ZBTB45: variants seen among roughly 807,000 people sequenced by gnomAD.
The protein encoded by ZBTB45 is zinc finger and BTB domain containing 45.
ZBTB45 carries 22 observed loss-of-function variants against 28.4 expected under a neutral mutation model. The observed-to-expected ratio is 0.77, with a 90% CI of 0.55 to 1.10. ZBTB45 has a LOEUF of 1.10. ZBTB45 is among the 50% of genes least tolerant of loss of function. The probability of loss-of-function intolerance (pLI) is 0.00; values close to 1 mark genes in which losing one functional copy is unlikely to be tolerated. For synonymous variants in ZBTB45, 361 were observed against 332.3 expected (o/e 1.09, Z -0.94); for missense variants, 656 against 750.2 (o/e 0.87, Z 1.47).
intron 1 of ZBTB45, among the ~76,000 whole-genome samples, chr19:58,529,883 T>C (rs2053627008): frequency 6.6e-6 from 1 of 152,138 alleles, no homozygotes; most frequent in African/African-American, 2.4e-5. Flanking sequence ...CACATATTAG[T>C]ACTTCCTTTT....
rs765755716 is a variant in ZBTB45 at position 58,517,793 on chromosome 19, C to G, written c.1-120G>C. 5.7e-6 allele frequency: 5 copies of G among 883,952 alleles called. No individual in the cohort carries two copies. The African/African-American group carries it at 8.4e-5, about 15-fold the overall frequency. 54.8% of individuals were successfully genotyped at this position (883,952 alleles called of 1,614,324 possible). On this transcript the variant is annotated intron_variant, in intron 1 of 2. Transcript: ENST00000594051. ...CTCGAGTGCACCACACTCCAAGGCG[C>G]GCTAACCCATCCCTCCCCAGCTGCC...
Position 58,516,277 on chromosome 19 carries a change from C to A in ZBTB45, c.1279+118G>T, listed in dbSNP as rs1205928948. The A allele has an allele frequency of 9.1e-6, 12 of 1,312,908 alleles. No homozygotes were observed. In the East Asian group the frequency reaches 2.5e-4, roughly 27 times the overall value. The allele number at this position is 1,312,908 out of a possible 1,614,324, so 81.3% of individuals were successfully genotyped here. The stretch of plus-strand genomic sequence containing the variant: ...TTGGGGGAAGGCTCAATTTCTAGGC[C>A]CCCTGCTAACCAAAAGTAACAGAAC... On this transcript the variant is annotated intron_variant, in intron 2 of 2. Coordinates refer to ENST00000594051, the MANE Select transcript of ZBTB45 (RefSeq NM_001316979.2). This position sits in a 1 kb window ranked among gnomAD's most constrained non-coding sequence, Gnocchi z 6.2.
intron 1 of ZBTB45, among the ~76,000 whole-genome samples, chr19:58,537,333 C>G (rs746631467): frequency 1.3e-5 from 2 of 152,120 alleles, no homozygotes; most frequent in Non-Finnish European, 2.9e-5. Flanking sequence ...GTGTGGCTGC[C>G]TCATACTGGG....
At chr19:58,526,580 G>A (rs1256267821) in intron 1 of ZBTB45, among the ~76,000 whole-genome samples, 1 of 136,004 alleles carries the variant, frequency 7.4e-6, no homozygotes, top group Non-Finnish European at 1.6e-5. Flanking sequence ...CGCCCAGGCT[G>A]GAGTGCAGTG....
At chr19:58,514,805 G>A (rs1192200952) in intron 2 of ZBTB45, among the ~76,000 whole-genome samples, 1 of 151,856 alleles carries the variant, frequency 6.6e-6, no homozygotes, top group Non-Finnish European at 1.5e-5. Context: ...GGCCCCCCTC[G>A]CCTATGCCCA....
chr19:58,528,677 G>A (rs1335565627), intron 1 of ZBTB45, among the ~76,000 whole-genome samples: 3 of 151,880 alleles, frequency 2.0e-5, no homozygotes, highest in African/African-American at 4.8e-5. Flanking sequence ...GGCGGATCAC[G>A]AGGTCAGGAG....
Position 58,516,825 on chromosome 19 carries a change from A to C in ZBTB45, c.849T>G (p.Phe283Leu). 1 of 1,613,686 alleles carries C rather than the reference A, an allele frequency of 6.2e-7. No homozygotes were observed. The highest frequency in any genetic ancestry group is 8.5e-7 in the Non-Finnish European group (1 of 1,180,008). ...LRGAGSAEDV[F>L]PDSYVSTWHD... ...GCCAAGTGGATACATAGCTGTCTGG[A>C]AATACGTCCTCAGCTGACCCAGCTC... Residue 283 changes from phenylalanine (F) to leucine (L), a missense_variant, in exon 2 of 3, where the codon TTT (phenylalanine) becomes TTG (leucine). Phe to Leu is a conservative substitution (Grantham distance 22, BLOSUM62 0). Around this residue, in one of 3 missense-constraint regions of ZBTB45, gnomAD observed 448 missense variants for 444.3 expected, o/e 1.01. Transcript: ENST00000594051. The surrounding 1 kb of genome is among the most constrained non-coding windows in gnomAD (Gnocchi z 6.2).
intron 1 of ZBTB45, among the ~76,000 whole-genome samples, chr19:58,524,909 CA>C (rs1224353174): frequency 6.6e-6 from 1 of 151,864 alleles, no homozygotes; most frequent in East Asian, 1.9e-4. Flanking sequence ...AAAACAATTC[CA>C]GGCTAAGCCC....
At position 58,526,680 on chromosome 19, in the gene ZBTB45, C is replaced by T. The variant is rs561202551; in HGVS notation, c.1-9007G>A. On this transcript the variant is annotated intron_variant, in intron 1 of 1. Coordinates refer to the ZBTB45 transcript ENST00000600130. ...CCAAGTAGCTGGGACTACAGGCGCC[C>T]GCCACTACGCCCGGCTAATTTTTTG... Among the ~76,000 whole-genome samples the T allele has an allele frequency of 9.4e-3, 1,381 of 147,178 alleles. 25 individuals carry two copies. The highest frequency in any genetic ancestry group is 0.032 in the African/African-American group (1,287 of 39,872).
At chr19:58,526,838 A>AT (rs1452098155) in intron 1 of ZBTB45, among the ~76,000 whole-genome samples, 2 of 148,422 alleles carry the variant, frequency 1.3e-5, no homozygotes, top group Admixed American at 6.7e-5. Flanking sequence ...GCCTATTATT[A>AT]TTTTTTTGAG....
chr19:58,535,281 C>T lies in ZBTB45; in HGVS notation c.-1+3420G>A, dbSNP rs141015758. 7.0e-3 allele frequency among the ~76,000 whole-genome samples: 1,064 copies of T among 152,056 alleles called. 13 individuals are homozygous for T. Among genetic ancestry groups the T allele is most frequent in the African/African-American group, 0.024 (979 of 41,512 alleles). On this transcript the variant is annotated intron_variant, in intron 1 of 1. Coordinates refer to the ZBTB45 transcript ENST00000600130. ...TCAGCCTCCCAAAGTGCTGTGATTA[C>T]AGGCATGAGCCACTGCACCCGGCCT...
rs1453146967 is a variant in ZBTB45, at chr19:58,516,428, T to C, written c.1246A>G (p.Lys416Glu). The C allele has an allele frequency of 1.2e-6, 2 of 1,613,964 alleles. No homozygotes were observed. Among genetic ancestry groups the C allele is most frequent in the South Asian group, 1.1e-5 (1 of 91,074 alleles). ...SHCRKTFSSR[K>E]NYTKHMFIHS... ...ATGAACATGTGCTTGGTGTAGTTTT[T>C]CCGGGAGCTGAACGTCTTGCGACAG... Residue 416 changes from lysine to glutamate, a missense_variant, in exon 2 of 3, where the codon AAA becomes GAA. This residue lies in a region of ZBTB45 where 103 missense variants were observed against 153.5 expected (regional missense o/e 0.67). Coordinates refer to ENST00000594051, the MANE Select transcript of ZBTB45 (RefSeq NM_001316979.2). This position sits in a 1 kb window ranked among gnomAD's most constrained non-coding sequence, Gnocchi z 6.2.
upstream of ZBTB45, among the ~76,000 whole-genome samples, chr19:58,520,598 A>G (rs2053569106): frequency 6.6e-6 from 1 of 152,222 alleles, no homozygotes; most frequent in African/African-American, 2.4e-5. Flanking sequence ...GGTAGGTCCA[A>G]GGTATCATAA....
upstream of ZBTB45, among the ~76,000 whole-genome samples, chr19:58,524,096 GT>G (rs2053593097): frequency 6.9e-6 from 1 of 145,762 alleles, no homozygotes; most frequent in African/African-American, 2.5e-5. Context: ...GCTTGGGACG[GT>G]GGCTTATGCC....
intron 1 of ZBTB45, among the ~76,000 whole-genome samples, chr19:58,532,476 GT>G (rs2053639924): frequency 6.6e-6 from 1 of 152,198 alleles, no homozygotes; most frequent in Non-Finnish European, 1.5e-5. Flanking sequence ...TGCAGGCAAA[GT>G]AGGTTTCATT....
intron 1 of ZBTB45, among the ~76,000 whole-genome samples, chr19:58,525,095 A>G (rs1196280565): frequency 1.3e-5 from 2 of 152,078 alleles, no homozygotes; most frequent in Non-Finnish European, 2.9e-5. Context: ...CCCACCAAGG[A>G]GTCTTCCAGA....
chr19:58,518,452 T>C (rs893598438), intron 1 of ZBTB45, among the ~76,000 whole-genome samples: 9 of 151,734 alleles, frequency 5.9e-5, no homozygotes, highest in African/African-American at 2.2e-4. Context: ...AGCAGGGAGG[T>C]GGCTCCTGCA....
At chr19:58,531,188 G>A (rs939565287) in intron 1 of ZBTB45, among the ~76,000 whole-genome samples, 1 of 152,186 alleles carries the variant, frequency 6.6e-6, no homozygotes, top group African/African-American at 2.4e-5. Flanking sequence ...CCTAGTGGGC[G>A]TGAAGCAGTA....
intron 1 of ZBTB45, among the ~76,000 whole-genome samples, chr19:58,529,245 G>C (rs1474490519): frequency 6.6e-6 from 1 of 152,142 alleles, no homozygotes; most frequent in Non-Finnish European, 1.5e-5. Flanking sequence ...TATGAGAGCA[G>C]CCTGAGCAAC....
Sources: allele counts gnomAD v4.1 joint callset (sites outside exome capture counted in the v4.1 genomes callset), GRCh38; gene constraint gnomAD v4.1.1; regional missense constraint gnomAD v4.1.1; non-coding constraint Gnocchi (gnomAD v3.1); transcripts MANE v1.5; gene names NCBI Gene and HGNC (gene_info 2026-07-23, HGNC 2026-07-21).